PTN: variants seen among roughly 807,000 people sequenced by gnomAD.
PTN encodes pleiotrophin, also known as heparin affin regulatory protein.
Under a neutral mutation model 24.1 loss-of-function variants are expected in PTN, and 18 were observed. That is an observed-to-expected ratio of 0.75 (90% confidence interval 0.52 to 1.11). The LOEUF is 1.11. Among genes scored for constraint, PTN ranks in the 50% least tolerant of loss-of-function variants. The pLI, the probability that PTN is intolerant of heterozygous loss-of-function variation, is 0.00. For missense variants in PTN, 163 were observed against 198.8 expected (o/e 0.82, Z 1.08); for synonymous variants, 78 against 68.6 (o/e 1.14, Z -0.67).
At chr7:137,238,910 T>G (rs1346941758) in intron 4 of PTN, among the ~76,000 whole-genome samples, 1 of 152,112 alleles carries the variant, frequency 6.6e-6, no homozygotes, top group East Asian at 1.9e-4. Context: ...AATTTGGAAG[T>G]TAGAAGACAG....
intron 1 of PTN, among the ~76,000 whole-genome samples, chr7:137,257,410 T>C (rs1808952844): frequency 6.6e-6 from 1 of 152,174 alleles, no homozygotes; most frequent in East Asian, 1.9e-4. Context: ...GCGCTTTTAA[T>C]TGGGTGTGAA....
At chr7:137,331,164 C>G (rs969572497) in intron 1 of PTN, among the ~76,000 whole-genome samples, 2 of 136,596 alleles carry the variant, frequency 1.5e-5, no homozygotes, top group Admixed American at 7.2e-5. Flanking sequence ...CTGGATGAGA[C>G]ATTAGAAACC....
chr7:137,256,409 A>G (rs1348274988), intron 1 of PTN, among the ~76,000 whole-genome samples: 1 of 152,148 alleles, frequency 6.6e-6, no homozygotes, highest in East Asian at 1.9e-4. Flanking sequence ...GAGTGAGAAC[A>G]TGCGGTGTTT....
chr7:137,318,459 G>A (rs1810109040), intron 1 of PTN: 1 of 152,164 alleles, frequency 6.6e-6, no homozygotes, highest in Non-Finnish European at 1.5e-5. Flanking sequence ...TTTATCATCT[G>A]TGGCTCCACA....
chr7:137,311,147 G>A (rs970822744), intron 1 of PTN, among the ~76,000 whole-genome samples: 11 of 150,774 alleles, frequency 7.3e-5, no homozygotes, highest in African/African-American at 2.4e-4. Context: ...CATGAGAACT[G>A]CTTGACCCCA....
At chr7:137,333,851 T>C (rs1284610126) in intron 1 of PTN, among the ~76,000 whole-genome samples, 2 of 151,922 alleles carry the variant, frequency 1.3e-5, no homozygotes, top group South Asian at 2.1e-4. Context: ...GAGATATAGA[T>C]CAACGGAACA....
chr7:137,245,857 A>G (rs1017176112), intron 4 of PTN, among the ~76,000 whole-genome samples: 1 of 152,212 alleles, frequency 6.6e-6, no homozygotes, highest in Non-Finnish European at 1.5e-5. Context: ...ATAAAGATAT[A>G]AGGAAAGAAT....
chr7:137,339,980 G>A (rs1810509023), intron 1 of PTN, among the ~76,000 whole-genome samples: 1 of 152,006 alleles, frequency 6.6e-6, no homozygotes, highest in Admixed American at 6.5e-5. Flanking sequence ...TTAATATACA[G>A]CGCTTGATTT....
chr7:137,244,374 A>ATTTT (rs1242182641), intron 4 of PTN, among the ~76,000 whole-genome samples: 62 of 131,066 alleles, frequency 4.7e-4, no homozygotes, highest in African/African-American at 7.5e-4. Flanking sequence ...TCTCCTCAGA[A>ATTTT]TTTTTTTTTT....
intron 4 of PTN, among the ~76,000 whole-genome samples, chr7:137,232,897 G>A (rs1403640317): frequency 2.0e-5 from 3 of 151,852 alleles, no homozygotes; most frequent in African/African-American, 7.3e-5. Context: ...TCTCTTTCCT[G>A]CCACCCTGTG....
At chr7:137,251,506 T>G (rs1377754252) in intron 3 of PTN, 115 bp from the exon 4 acceptor site, 1 of 1,179,448 alleles carries the variant, frequency 8.5e-7, no homozygotes, top group Non-Finnish European at 1.2e-6. Context: ...TAGATCCATA[T>G]GCAGCTATAA....
chr7:137,232,603 A>G (rs575040118), intron 4 of PTN, among the ~76,000 whole-genome samples: 4 of 152,106 alleles, frequency 2.6e-5, no homozygotes, highest in South Asian at 4.1e-4. Context: ...CATGTTCACC[A>G]TATTCAATCT....
intron 1 of PTN, among the ~76,000 whole-genome samples, chr7:137,257,079 GT>G (rs1159872026): frequency 6.6e-6 from 1 of 152,162 alleles, no homozygotes; most frequent in African/African-American, 2.4e-5. Context: ...AATAAGTGTT[GT>G]TTTTAAAAAT....
chr7:137,284,585 G>T (rs910075978), intron 1 of PTN, among the ~76,000 whole-genome samples: 3 of 152,112 alleles, frequency 2.0e-5, no homozygotes, highest in African/African-American at 7.2e-5. Flanking sequence ...TGATTTTATT[G>T]CCATAGAGTA....
At chr7:137,302,403 A>G (rs1302372411) in intron 1 of PTN, among the ~76,000 whole-genome samples, 3 of 152,134 alleles carry the variant, frequency 2.0e-5, no homozygotes, top group African/African-American at 7.2e-5. Flanking sequence ...GTTGCTTTTA[A>G]AATAAAAATA....
At chr7:137,323,138 A>C (rs1372501162) in intron 1 of PTN, among the ~76,000 whole-genome samples, 1 of 152,178 alleles carries the variant, frequency 6.6e-6, no homozygotes, top group Non-Finnish European at 1.5e-5. Flanking sequence ...ATTTTTGAAA[A>C]ACATCTTGTG....
chr7:137,303,116 A>C (rs535973571), intron 1 of PTN, among the ~76,000 whole-genome samples: 1 of 152,082 alleles, frequency 6.6e-6, no homozygotes, highest in South Asian at 2.1e-4. Context: ...ATTTTATTTT[A>C]TATGGCTCTG....
chr7:137,246,268 A>G (rs113152492), intron 4 of PTN, among the ~76,000 whole-genome samples: 1 of 152,180 alleles, frequency 6.6e-6, no homozygotes, highest in African/African-American at 2.4e-5. Context: ...TGTTACAATA[A>G]CCTACAGTAT....
At chr7:137,278,495 A>C (rs1356283855) in intron 1 of PTN, among the ~76,000 whole-genome samples, 2 of 152,120 alleles carry the variant, frequency 1.3e-5, no homozygotes, top group South Asian at 4.1e-4. Context: ...GTCATGAGAA[A>C]GATCGTGTGG....
Sources: allele counts gnomAD v4.1 joint callset (sites outside exome capture counted in the v4.1 genomes callset), GRCh38; gene constraint gnomAD v4.1.1; transcripts MANE v1.5; gene names NCBI Gene and HGNC (gene_info 2026-07-23, HGNC 2026-07-21).